The following PTPDC1 variants were observed in gnomAD, a reference collection of about 807,000 sequenced individuals.
PTPDC1 encodes protein tyrosine phosphatase domain containing 1, also known as protein tyrosine phosphatase domain-containing protein 1.
In PTPDC1, 53 loss-of-function variants were observed where a neutral mutation model predicts 75.3. That is an observed-to-expected ratio of 0.70 (90% confidence interval 0.56 to 0.88). The LOEUF is 0.88. Ranked by LOEUF, PTPDC1 falls within the 40% of genes least tolerant of loss-of-function variation. The pLI is 0.00. For missense variants in PTPDC1, 925 were observed against 998.6 expected (o/e 0.93, Z 0.99); for synonymous variants, 349 against 366.2 (o/e 0.95, Z 0.54).
Position 94,056,362 on chromosome 9 carries a change from T to C in PTPDC1, c.-6-8372T>C, listed in dbSNP as rs200254165. Among the ~76,000 whole-genome samples the C allele has an allele frequency of 2.0e-5, 3 of 147,294 alleles. No individual in the cohort carries two copies. In the East Asian group the frequency reaches 5.9e-4, roughly 29 times the overall value. ...CTTAAGTTTTTCAACCTCAAATTCT[T>C]CTGCTACGATTGCTGTCTAGAATCT... On this transcript the variant is annotated intron_variant, in intron 1 of 9. Transcript: ENST00000375360.
intron 1 of PTPDC1, among the ~76,000 whole-genome samples, chr9:94,058,978 G>A (rs552764140): frequency 6.6e-6 from 1 of 152,264 alleles, no homozygotes; most frequent in Non-Finnish European, 1.5e-5. Context: ...GCAATAGAAT[G>A]AGACTCTGTC....
At chr9:94,030,862 C>G (rs539657986) in exon 1 of PTPDC1, 2 of 152,274 alleles carry the variant, frequency 1.3e-5, no homozygotes, top group South Asian at 2.1e-4. Flanking sequence ...GGGGAGCAGC[C>G]CAGGCGCTCG....
At chr9:94,034,458 G>A (rs143222161) in intron 1 of PTPDC1, among the ~76,000 whole-genome samples, 2,222 of 152,258 alleles carry the variant, frequency 0.015, 40 homozygotes, top group African/African-American at 0.05. Flanking sequence ...CTTGAACCTG[G>A]GAGACGGAGG....
chr9:94,064,521 G>A (rs1004590504), intron 1 of PTPDC1, among the ~76,000 whole-genome samples: 3 of 152,092 alleles, frequency 2.0e-5, no homozygotes, highest in Non-Finnish European at 2.9e-5. Flanking sequence ...AATTATTGAG[G>A]TATTTTACAT....
intron 1 of PTPDC1, among the ~76,000 whole-genome samples, chr9:94,049,824 C>T (rs1825730805): frequency 1.3e-5 from 2 of 152,190 alleles, no homozygotes; most frequent in Admixed American, 6.5e-5. Flanking sequence ...AACTTGGTTC[C>T]ATTCTCCCCG....
chr9:94,108,171 CTTTTA>C lies in PTPDC1; in HGVS notation c.*231_*235del, dbSNP rs1828087525. 3.3e-6 allele frequency: 1 copy of C among 299,002 alleles called. No homozygotes were observed. Among genetic ancestry groups the C allele is most frequent in the Non-Finnish European group, 6.1e-6 (1 of 164,478 alleles). The allele number at this position is 299,002 out of a possible 1,614,324, so 18.5% of individuals were successfully genotyped here. On this transcript the variant is annotated 3_prime_UTR_variant, in exon 9 of 9. Transcript: ENST00000620992. ...ATTGCCATAAATTTGGTGCCACTTTCTTTTATTTATTTGACTGAGTTAATATTATT... is the reference window on the plus strand; with the variant it reads ...ATTGCCATAAATTTGGTGCCACTTTCTTTATTTGACTGAGTTAATATTATT...
chr9:94,036,434 C>T (rs182040603), intron 1 of PTPDC1, among the ~76,000 whole-genome samples: 15 of 152,038 alleles, frequency 9.9e-5, no homozygotes, highest in East Asian at 3.9e-4. Context: ...TTTCCCAACA[C>T]GATTTATTTA....
At chr9:94,036,810 G>A (rs1029974554) in intron 1 of PTPDC1, among the ~76,000 whole-genome samples, 1 of 152,214 alleles carries the variant, frequency 6.6e-6, no homozygotes, top group African/African-American at 2.4e-5. Context: ...AGGGAACAGA[G>A]TTGCATTTTT....
intron 1 of PTPDC1, among the ~76,000 whole-genome samples, chr9:94,032,214 G>A (rs944991898): frequency 1.3e-5 from 2 of 152,168 alleles, no homozygotes; most frequent in African/African-American, 4.8e-5. Context: ...ACCTCTTAGT[G>A]CACAAGAATT....
At chr9:94,106,081 T>C (rs1020727067) in intron 8 of PTPDC1, among the ~76,000 whole-genome samples, 1 of 152,206 alleles carries the variant, frequency 6.6e-6, no homozygotes, top group Non-Finnish European at 1.5e-5. Flanking sequence ...TGAGCTTAAC[T>C]GAAAAAAATC....
chr9:94,058,717 A>C (rs1414642038), intron 1 of PTPDC1, among the ~76,000 whole-genome samples: 1 of 151,002 alleles, frequency 6.6e-6, no homozygotes, highest in Non-Finnish European at 1.5e-5. Context: ...AAAAACAAAC[A>C]AAAAAGCTAT....
At chr9:94,057,760 C>T (rs547015877) in intron 1 of PTPDC1, among the ~76,000 whole-genome samples, 9 of 152,234 alleles carry the variant, frequency 5.9e-5, no homozygotes, top group African/African-American at 2.2e-4. Flanking sequence ...AATTTTTGAT[C>T]AGCAGTTATA....
chr9:94,059,127 A>G (rs750479898), intron 1 of PTPDC1, among the ~76,000 whole-genome samples: 62 of 152,344 alleles, frequency 4.1e-4, no homozygotes, highest in Non-Finnish European at 6.2e-4. Context: ...TATCCTTGCG[A>G]TATCTTACTT....
intron 1 of PTPDC1, among the ~76,000 whole-genome samples, chr9:94,053,375 A>G (rs1256833077): frequency 1.3e-5 from 2 of 152,088 alleles, no homozygotes; most frequent in East Asian, 3.9e-4. Context: ...GGAATTTTAT[A>G]TAGTCATGTC....
Position 94,084,758 on chromosome 9 carries a change from C to T in PTPDC1, c.228C>T (p.Pro76=), listed in dbSNP as rs762069819. The T allele has an allele frequency of 1.5e-5, 24 of 1,569,378 alleles. No individual in the cohort carries two copies. The highest frequency in any genetic ancestry group is 9.0e-5 in the East Asian group (4 of 44,334). The change falls in exon 1 of 9, where the codon CCC becomes CCT. Residue 76 remains proline, a synonymous_variant. Transcript: ENST00000620992. ...ATGCAGAGGGAAACCCAACTTTCCC[C>T]GAAAGAAAAAGTAAAGGTCTCTTTC... ...VSHAEGNPTF[P]ERKSKGNLER...
chr9:94,058,962 G>T (rs1564015034), intron 1 of PTPDC1, among the ~76,000 whole-genome samples: 1 of 152,238 alleles, frequency 6.6e-6, no homozygotes, highest in Non-Finnish European at 1.5e-5. Context: ...CTGCACTCCA[G>T]CCTGGGCAAT....
chr9:94,095,512 G>A, intron 5 of PTPDC1, 58 bp downstream of exon 5: 1 of 1,391,806 alleles, frequency 7.2e-7, no homozygotes, highest in Non-Finnish European at 9.9e-7. Context: ...AAAGGAATAA[G>A]ATTTCCTAAT....
At chr9:94,107,798 T>G (rs776081303) in intron 8 of PTPDC1, 30 bp from the exon 9 acceptor site, 2 of 1,298,866 alleles carry the variant, frequency 1.5e-6, no homozygotes, top group South Asian at 2.7e-5. Flanking sequence ...CTTGTTACAG[T>G]GTCCTGAATA....
chr9:94,048,775 TAGC>T (rs1825694948), intron 1 of PTPDC1, among the ~76,000 whole-genome samples: 1 of 152,208 alleles, frequency 6.6e-6, no homozygotes, highest in Non-Finnish European at 1.5e-5. Context: ...ACTTTCTGTA[TAGC>T]TGATCTGTCT....
Sources: gnomAD v4.1 joint callset for allele counts (sites outside exome capture counted in the v4.1 genomes callset) on GRCh38, gnomAD v4.1.1 for gene constraint, MANE v1.5 for transcripts, NCBI Gene and HGNC (gene_info 2026-07-23, HGNC 2026-07-21) for gene names.